Variants in UQCC1 observed in about 807,000 individuals in gnomAD.
UQCC1 encodes the protein bFGF-repressed Zic-binding protein.
A neutral mutation model predicts 48.0 loss-of-function variants in UQCC1; 38 were observed. That is an observed-to-expected ratio of 0.79 (90% CI 0.61 to 1.04). The LOEUF is 1.04. UQCC1 is among the 50% of genes least tolerant of loss of function. The probability of loss-of-function intolerance (pLI) is 0.00; values close to 1 mark genes in which losing one functional copy is unlikely to be tolerated. For missense variants in UQCC1, 368 were observed against 381.8 expected (o/e 0.96, Z 0.30); for synonymous variants, 111 against 129.2 (o/e 0.86, Z 0.95).
intron 7 of UQCC1, among the ~76,000 whole-genome samples, chr20:35,324,047 G>A (rs2146331094): frequency 6.6e-6 from 1 of 152,314 alleles, no homozygotes; most frequent in East Asian, 1.9e-4. Flanking sequence ...TTGAGGCCAA[G>A]AATTAAAGAC....
intron 1 of UQCC1, among the ~76,000 whole-genome samples, chr20:35,400,703 G>A (rs1226723224): frequency 4.0e-5 from 6 of 151,858 alleles, no homozygotes; most frequent in African/African-American, 1.5e-4. Flanking sequence ...CACCATGTTC[G>A]CCAGGATGGT....
At chr20:35,346,761 A>T in intron 7 of UQCC1, 1 of 447,796 alleles carries the variant, frequency 2.2e-6, no homozygotes. Flanking sequence ...AAGACAGTGC[A>T]GGCCCCATAC....
chr20:35,381,371 T>C (rs1473858282), intron 4 of UQCC1, among the ~76,000 whole-genome samples: 1 of 152,184 alleles, frequency 6.6e-6, no homozygotes, highest in Non-Finnish European at 1.5e-5. Context: ...AGAAGTCATC[T>C]ATATGGCATA....
chr20:35,377,423 T>C (rs2061814828), intron 4 of UQCC1, among the ~76,000 whole-genome samples: 1 of 152,208 alleles, frequency 6.6e-6, no homozygotes, highest in Non-Finnish European at 1.5e-5. Context: ...TCTAATAATA[T>C]CATGATCCTA....
chr20:35,399,862 A>AG (rs1229762892), intron 1 of UQCC1, among the ~76,000 whole-genome samples: 2 of 150,228 alleles, frequency 1.3e-5, no homozygotes, highest in Non-Finnish European at 3.0e-5. Context: ...CACTCAAAAA[A>AG]AAAAAAAAAG....
At chr20:35,304,465 G>A (rs2060906830) in intron 9 of UQCC1, among the ~76,000 whole-genome samples, 1 of 152,156 alleles carries the variant, frequency 6.6e-6, no homozygotes. Flanking sequence ...TGCTGGGTGA[G>A]AGTCCTGATT....
At chr20:35,365,095 G>A (rs975499576) in intron 6 of UQCC1, among the ~76,000 whole-genome samples, 14 of 152,206 alleles carry the variant, frequency 9.2e-5, no homozygotes, top group African/African-American at 3.4e-4. Flanking sequence ...ATGGCAGGCA[G>A]TGTGCCTTTT....
At chr20:35,407,326 G>A (rs1035762114) in intron 1 of UQCC1, among the ~76,000 whole-genome samples, 5 of 151,942 alleles carry the variant, frequency 3.3e-5, no homozygotes, top group Non-Finnish European at 7.4e-5. Context: ...TACTTGGGAG[G>A]GTGAGGCAGG....
At chr20:35,409,788 A>G (rs1365594245) in intron 1 of UQCC1, among the ~76,000 whole-genome samples, 1 of 149,588 alleles carries the variant, frequency 6.7e-6, no homozygotes, top group Non-Finnish European at 1.5e-5. Flanking sequence ...AAGCAAGACT[A>G]ACAAGAATGT....
At chr20:35,336,550 A>G (rs1175321927) in intron 7 of UQCC1, among the ~76,000 whole-genome samples, 1 of 152,202 alleles carries the variant, frequency 6.6e-6, no homozygotes, top group Non-Finnish European at 1.5e-5. Flanking sequence ...AAGGAACATC[A>G]GCAGCCACCA....
At chr20:35,322,523 C>T (rs559256030) in intron 7 of UQCC1, among the ~76,000 whole-genome samples, 3 of 152,112 alleles carry the variant, frequency 2.0e-5, no homozygotes, top group East Asian at 1.9e-4. Flanking sequence ...AACCTGAGGT[C>T]GGGAGTTCGA....
chr20:35,404,613 A>G (rs2062222715), intron 1 of UQCC1, among the ~76,000 whole-genome samples: 1 of 151,804 alleles, frequency 6.6e-6, no homozygotes, highest in African/African-American at 2.4e-5. Context: ...ACATGTATAC[A>G]TATGTAACAA....
At chr20:35,381,103 G>A (rs2061861135) in intron 4 of UQCC1, among the ~76,000 whole-genome samples, 1 of 152,168 alleles carries the variant, frequency 6.6e-6, no homozygotes, top group South Asian at 2.1e-4. Flanking sequence ...ATGCATCTGA[G>A]GCAGAGAGGA....
chr20:35,307,851 A>C (rs779796177), intron 8 of UQCC1, among the ~76,000 whole-genome samples: 21 of 152,104 alleles, frequency 1.4e-4, no homozygotes, highest in Admixed American at 3.9e-4. Context: ...TACAGTCAAA[A>C]CCGTGGGGTC....
intron 1 of UQCC1, among the ~76,000 whole-genome samples, chr20:35,394,465 C>T (rs1227231126): frequency 6.6e-6 from 1 of 152,004 alleles, no homozygotes; most frequent in Non-Finnish European, 1.5e-5. Flanking sequence ...AAACCTACCA[C>T]AGGAGTAGAG....
At chr20:35,310,262 A>G (rs2060974862) in intron 8 of UQCC1, among the ~76,000 whole-genome samples, 1 of 152,224 alleles carries the variant, frequency 6.6e-6, no homozygotes, top group Admixed American at 6.5e-5. Flanking sequence ...TGGATAATGA[A>G]TAGATGGATG....
At chr20:35,323,280 CTT>C (rs2061152733) in intron 7 of UQCC1, among the ~76,000 whole-genome samples, 1 of 152,196 alleles carries the variant, frequency 6.6e-6, no homozygotes, top group South Asian at 2.1e-4. Flanking sequence ...AAAATAGACT[CTT>C]TTTAAATTTA....
intron 3 of UQCC1, 53 bp from the exon 4 acceptor site, chr20:35,382,078 G>T: frequency 8.5e-7 from 1 of 1,176,698 alleles, no homozygotes; most frequent in Non-Finnish European, 1.2e-6. Flanking sequence ...ATTTTTAATA[G>T]AATGCTTTGT....
At chr20:35,359,925 C>T (rs2061587809) in intron 6 of UQCC1, among the ~76,000 whole-genome samples, 1 of 152,138 alleles carries the variant, frequency 6.6e-6, no homozygotes, top group Non-Finnish European at 1.5e-5. Flanking sequence ...AAGCCTAACC[C>T]TTCTGGGGGG....
Sources: allele counts gnomAD v4.1 joint callset (sites outside exome capture counted in the v4.1 genomes callset), GRCh38; gene constraint gnomAD v4.1.1; transcripts MANE v1.5; gene names NCBI Gene and HGNC (gene_info 2026-07-23, HGNC 2026-07-21).